The following FAN1 variants were observed in gnomAD, a reference collection of about 807,000 sequenced individuals.
The protein encoded by FAN1 is FANCD2 and FANCI associated nuclease 1.
FAN1 carries 91 observed loss-of-function variants against 104.9 expected under a neutral mutation model. The observed-to-expected ratio is 0.87, with a 90% CI of 0.73 to 1.03. The LOEUF is 1.03. FAN1 is among the 50% of genes least tolerant of loss of function. FAN1 has a pLI of 0.00. For missense variants in FAN1, 1,263 were observed against 1,239.9 expected (o/e 1.02, Z -0.28); for synonymous variants, 478 against 457.6 (o/e 1.04, Z -0.57).
rs1487254305 is a variant in FAN1, at chr15:30,918,269, C to T, written c.1917C>T (p.Asn639=). 5.0e-6 allele frequency: 8 copies of T among 1,614,122 alleles called. No individual in the cohort carries two copies. Among genetic ancestry groups the T allele is most frequent in the Middle Eastern group, 1.7e-4 (1 of 6,046 alleles). The change falls in exon 6 of 15, where the codon AAC becomes AAT. Residue 639 remains asparagine (N), a synonymous_variant. Coordinates refer to ENST00000362065, the MANE Select transcript of FAN1 (RefSeq NM_014967.5). ...CTCAGTGTGCAAAAAGGGATTGGAA[C>T]AGACTGAAAAACCACCCTTCTCTGA... ...ELAQCAKRDW[N]RLKNHPSLRC...
chr15:30,909,008 T>A (rs543834544), intron 3 of FAN1, among the ~76,000 whole-genome samples: 5 of 152,342 alleles, frequency 3.3e-5, no homozygotes, highest in South Asian at 2.1e-4. Flanking sequence ...GTTCTTCGAT[T>A]ATGTTGATTG....
chr15:30,909,418 C>T (rs2062049908), intron 3 of FAN1, among the ~76,000 whole-genome samples: 1 of 152,230 alleles, frequency 6.6e-6, no homozygotes, highest in Admixed American at 6.5e-5. Flanking sequence ...CAGAGCAGCG[C>T]TTCCCACACA....
chr15:30,942,214 C>A lies in FAN1; in HGVS notation c.*652C>A. On this transcript the variant is annotated 3_prime_UTR_variant, in exon 15 of 15. Transcript: ENST00000362065. ...AACATTTTCCTCCCTTCCTTTGTGTCCTTATTCTAATCCTCCTCCCCTGGA... is the reference window on the plus strand; with the variant it reads ...AACATTTTCCTCCCTTCCTTTGTGTACTTATTCTAATCCTCCTCCCCTGGA... 9.6e-7 allele frequency: 1 copy of A among 1,037,986 alleles called. No individual in the cohort carries two copies. The highest frequency in any genetic ancestry group is 1.4e-6 in the Non-Finnish European group (1 of 716,468). 64.3% of individuals were successfully genotyped at this position (1,037,986 alleles called of 1,614,324 possible).
At chr15:30,910,433 T>C (rs542360608) in intron 3 of FAN1, among the ~76,000 whole-genome samples, 181 bp from the exon 4 acceptor site, 1 of 152,254 alleles carries the variant, frequency 6.6e-6, no homozygotes, top group South Asian at 2.1e-4. Context: ...TTTTAAGAGA[T>C]ATAATAATAG....
chr15:30,920,803 G>C (rs1023791943), intron 7 of FAN1, 150 bp downstream of exon 7: 1 of 559,846 alleles, frequency 1.8e-6, no homozygotes. Context: ...TTGTCTTTTT[G>C]AGACAGGGTC....
chr15:30,931,447 T>C (rs992103024), intron 13 of FAN1, among the ~76,000 whole-genome samples: 2 of 152,256 alleles, frequency 1.3e-5, no homozygotes, highest in Non-Finnish European at 2.9e-5. Context: ...ATCCAACTTA[T>C]TTGTTCTCTA....
intron 9 of FAN1, among the ~76,000 whole-genome samples, 168 bp downstream of exon 9, chr15:30,925,459 C>T (rs1020117265): frequency 3.3e-5 from 5 of 152,208 alleles, no homozygotes; most frequent in African/African-American, 9.7e-5. Flanking sequence ...CTCCCCCTAA[C>T]GCCCTCCTCC....
intron 9 of FAN1, 138 bp downstream of exon 9, chr15:30,925,429 G>A (rs1190597922): frequency 2.3e-6 from 2 of 852,462 alleles, no homozygotes; most frequent in East Asian, 2.7e-5. Context: ...TTGGACGGCT[G>A]TGTGGCCATT....
At chr15:30,915,836 TA>T (rs992191249) in intron 5 of FAN1, among the ~76,000 whole-genome samples, 1 of 150,784 alleles carries the variant, frequency 6.6e-6, no homozygotes, top group African/African-American at 2.4e-5. Flanking sequence ...TGGATTTCCT[TA>T]AAAAAAACAC....
intron 4 of FAN1, chr15:30,911,708 T>C: frequency 1.1e-6 from 1 of 910,210 alleles, no homozygotes; most frequent in Non-Finnish European, 1.3e-6. Context: ...TCTAATTGTA[T>C]TTCTTAAGTA....
At position 30,939,257 on chromosome 15, in the gene FAN1, T is replaced by C. The variant is rs150796304; in HGVS notation, c.*3+1998T>C. The stretch of plus-strand genomic sequence containing the variant: ...ATCATAAAATAACAGCAAGACACTG[T>C]ACACCTTTACGTTCAATACTAGAAA... On this transcript the variant is annotated intron_variant, in intron 14 of 14. Coordinates refer to ENST00000362065, the MANE Select transcript of FAN1 (RefSeq NM_014967.5). 9.2e-3 allele frequency: 9,021 copies of C among 985,480 alleles called. 53 individuals carry two copies. The highest frequency in any genetic ancestry group is 0.01 in the Non-Finnish European group (8,535 of 829,932). 61.0% of individuals were successfully genotyped at this position (985,480 alleles called of 1,614,324 possible). A position where few individuals can be genotyped will look rare whatever the true frequency, so the allele number is the denominator to read the frequency against.
At chr15:30,929,148 G>A in intron 11 of FAN1, 55 bp from the exon 12 acceptor site, 1 of 1,528,664 alleles carries the variant, frequency 6.5e-7, no homozygotes, top group Non-Finnish European at 8.9e-7. Flanking sequence ...TAGTCCTCTG[G>A]TGAACACGGC....
In FAN1 at chr15:30,938,997, T is replaced by C. The variant is rs564397559; in HGVS notation, c.*3+1738T>C. 111 of 985,322 alleles carry C rather than the reference T, an allele frequency of 1.1e-4. 1 individual carries two copies. The South Asian group carries it at 1.1e-3, about 10-fold the overall frequency. 61.0% of individuals were successfully genotyped at this position (985,322 alleles called of 1,614,324 possible). ...AAAATTTCCTTCACATTCAATACTGTTGAACAACAAGATAACACATCTTCT... is the reference window on the plus strand; with the variant it reads ...AAAATTTCCTTCACATTCAATACTGCTGAACAACAAGATAACACATCTTCT... On this transcript the variant is annotated intron_variant, in intron 14 of 14. Coordinates refer to ENST00000362065, the MANE Select transcript of FAN1 (RefSeq NM_014967.5).
Position 30,942,054 on chromosome 15 carries a change from G to A in FAN1, c.*492G>A. 1.2e-6 allele frequency: 2 copies of A among 1,613,632 alleles called. No individual in the cohort carries two copies. Among genetic ancestry groups the A allele is most frequent in the Non-Finnish European group, 1.7e-6 (2 of 1,179,670 alleles). On this transcript the variant is annotated 3_prime_UTR_variant, in exon 15 of 15. Coordinates refer to ENST00000362065, the MANE Select transcript of FAN1 (RefSeq NM_014967.5). ...TTTAAGGCAGACGGCATTCCTCTTA[G>A]TGTGGAGCTGTAGCTTTTCTATACA...
chr15:30,929,208 C>A lies in FAN1; in HGVS notation c.2598C>A (p.Phe866Leu). The change falls in exon 12 of 15, where the codon TTC becomes TTA. Residue 866 changes from phenylalanine (F) to leucine (L), a missense_variant. Transcript: ENST00000362065. ...TTGCTTTCCCTGTGACACAGGCATT[C>A]CCCCTGGACTTGTGCACAGACAGCT... The part of the protein sequence containing the change: ...PDVFRNACQA[F>L]PLDLCTDSFF... 6.2e-7 allele frequency: 1 copy of A among 1,610,848 alleles called. No homozygotes were observed. The highest frequency in any genetic ancestry group is 8.5e-7 in the Non-Finnish European group (1 of 1,178,790).
At chr15:30,927,305 C>T in intron 10 of FAN1, 2 of 985,482 alleles carry the variant, frequency 2.0e-6, no homozygotes, top group South Asian at 9.4e-5. Context: ...GACTGGAAAT[C>T]AGGTCCTAGC....
intron 14 of FAN1, chr15:30,940,427 T>C (rs796837931): frequency 2.0e-6 from 2 of 985,456 alleles, no homozygotes; most frequent in South Asian, 4.7e-5. Context: ...TTCTCCTCTA[T>C]TCCTAAGCAT....
rs756568550 is a variant in FAN1 at position 30,930,597 on chromosome 15, G to C, written c.2842G>C (p.Ala948Pro). The change falls in exon 13 of 15, where the codon GCT becomes CCT. Residue 948 changes from alanine (A) to proline (P), a missense_variant. Physicochemically the swap from Ala to Pro is conservative, Grantham distance 27. This residue lies in a region of FAN1 where 581 missense variants were observed against 668.8 expected (regional missense o/e 0.87). Transcript: ENST00000362065. The stretch of plus-strand genomic sequence containing the variant: ...GCTCAGTGGTGTGTGCAGGCACCTG[G>C]CTGCTGACTTTCGACACTGTCGAGG... ...PVLSGVCRHL[A>P]ADFRHCRGGL... 4 of 1,612,820 alleles carry C rather than the reference G, an allele frequency of 2.5e-6. No individual in the cohort carries two copies. The highest frequency in any genetic ancestry group is 3.4e-6 in the Non-Finnish European group (4 of 1,179,572).
At chr15:30,936,979 G>A (rs1468916251) in intron 13 of FAN1, 140 bp from the exon 14 acceptor site, 5 of 684,454 alleles carry the variant, frequency 7.3e-6, no homozygotes, top group Admixed American at 5.7e-5. Context: ...AGGACCATCC[G>A]TATATTTGTG....
Sources: gnomAD v4.1 joint callset for allele counts (sites outside exome capture counted in the v4.1 genomes callset) on GRCh38, gnomAD v4.1.1 for gene constraint, gnomAD v4.1.1 regional missense constraint, MANE v1.5 for transcripts, NCBI Gene and HGNC (gene_info 2026-07-23, HGNC 2026-07-21) for gene names.